The following VPS13A variants were observed in gnomAD, a reference collection of about 807,000 sequenced individuals.
The protein encoded by VPS13A is intermembrane lipid transfer protein VPS13A.
In VPS13A, 264 loss-of-function variants were observed where a neutral mutation model predicts 390.9. The ratio of observed to expected loss-of-function variants is 0.68; its 90% CI spans 0.61 to 0.75. The LOEUF is 0.75. Among genes scored for constraint, VPS13A ranks in the 30% least tolerant of loss-of-function variants. The pLI is 0.00. For synonymous variants in VPS13A, 1,231 were observed against 1,227.1 expected (o/e 1.00, Z -0.07); for missense variants, 3,409 against 3,733.9 (o/e 0.91, Z 2.27).
chr9:77,366,105 A>G (rs1563963087), intron 60 of VPS13A, among the ~76,000 whole-genome samples: 1 of 152,104 alleles, frequency 6.6e-6, no homozygotes. Flanking sequence ...CTTTCAGCTT[A>G]TGACAGAGTT....
At chr9:77,397,509 T>C (rs1587717577) in intron 68 of VPS13A, among the ~76,000 whole-genome samples, 2 of 152,186 alleles carry the variant, frequency 1.3e-5, no homozygotes, top group East Asian at 3.8e-4. Flanking sequence ...ATTTTAGTGA[T>C]TTATTCCTAT....
intron 1 of VPS13A, among the ~76,000 whole-genome samples, chr9:77,180,535 A>G (rs944857842): frequency 6.6e-6 from 1 of 152,172 alleles, no homozygotes; most frequent in African/African-American, 2.4e-5. Flanking sequence ...AAAGTCAAAG[A>G]TGTTCTCCTG....
chr9:77,254,512 C>T (rs531281190), intron 22 of VPS13A, among the ~76,000 whole-genome samples: 14 of 152,176 alleles, frequency 9.2e-5, no homozygotes, highest in African/African-American at 3.1e-4. Context: ...CTTGGCTATT[C>T]GGGATCCTTT....
intron 23 of VPS13A, among the ~76,000 whole-genome samples, chr9:77,268,313 C>T (rs906421829): frequency 2.0e-5 from 3 of 152,104 alleles, no homozygotes; most frequent in African/African-American, 4.8e-5. Context: ...CTGCCGGTTG[C>T]GAAGACTGTG....
At position 77,295,717 on chromosome 9, in the gene VPS13A, A is replaced by G. The variant is rs1382931579; in HGVS notation, c.3683A>G (p.Asn1228Ser). The G allele has an allele frequency of 6.2e-7, 1 of 1,614,002 alleles. No individual in the cohort carries two copies. Among genetic ancestry groups the G allele is most frequent in the Non-Finnish European group, 8.5e-7 (1 of 1,179,946 alleles). The part of the protein sequence containing the change: ...VVIPQSPVSE[N>S]VFVADFGLIT... ...ATCCCGCAGTCTCCAGTTTCTGAAA[A>G]TGTTTTTGTTGCTGATTTTGGACTA... is the stretch of plus-strand genomic sequence containing the variant. Residue 1228 changes from asparagine (N) to serine (S), a missense_variant, in exon 33 of 72, where the codon AAT (asparagine) becomes AGT (serine). Physicochemically the swap from Asn to Ser is conservative, Grantham distance 46. Around this residue, in one of 5 missense-constraint regions of VPS13A, gnomAD observed 2,717 missense variants for 2,917.4 expected, o/e 0.93. Coordinates refer to ENST00000360280, the MANE Select transcript of VPS13A (RefSeq NM_033305.3).
chr9:77,203,591 T>G (rs945092751), intron 3 of VPS13A, among the ~76,000 whole-genome samples: 1 of 152,144 alleles, frequency 6.6e-6, no homozygotes, highest in Non-Finnish European at 1.5e-5. Context: ...CCTGGTCAAG[T>G]TTGGATTTTT....
chr9:77,306,414 T>TTTGTGTGTGTG lies in VPS13A; in HGVS notation c.3961-1530_3961-1529insTGTGTGTGTGT, dbSNP rs1554885537. Among the ~76,000 whole-genome samples, 4 of 140,782 alleles carry TTTGTGTGTGTG rather than the reference T, an allele frequency of 2.8e-5. No individual in the cohort carries two copies. In the East Asian group the frequency reaches 8.3e-4, roughly 29 times the overall value. The allele number at this position is 140,782 out of a possible 152,430, so 92.4% of individuals were successfully genotyped here. A position where few individuals can be genotyped will look rare whatever the true frequency, so the allele number is the denominator to read the frequency against. On this transcript the variant is annotated intron_variant, in intron 34 of 71. Transcript: ENST00000360280. ...AGAGAGAGAGAGAGTGTGTGTGTGT[T>TTTGTGTGTGTG]TGTGTGTGTGTGTGTGTGTGTGTGT...
chr9:77,177,594 T>C lies in VPS13A; in HGVS notation c.-111T>C. ...GTTGGGCCAGCGGGGGCGCCGCAGC[T>C]GAAGCCGCCCCGGAGCCGGTGAACC... On this transcript the variant is annotated 5_prime_UTR_variant, in exon 1 of 72. Coordinates refer to ENST00000360280, the MANE Select transcript of VPS13A (RefSeq NM_033305.3). 9.8e-7 allele frequency: 1 copy of C among 1,023,454 alleles called. No individual in the cohort carries two copies. Among genetic ancestry groups the C allele is most frequent in the Non-Finnish European group, 1.5e-6 (1 of 678,656 alleles). 63.4% of individuals were successfully genotyped at this position (1,023,454 alleles called of 1,614,324 possible).
intron 68 of VPS13A, among the ~76,000 whole-genome samples, chr9:77,400,192 T>C (rs1007167266): frequency 5.9e-5 from 9 of 151,340 alleles, no homozygotes; most frequent in Non-Finnish European, 1.3e-4. Flanking sequence ...TTTTGAGTTA[T>C]AGTGAATATT....
At chr9:77,221,488 G>A in intron 13 of VPS13A, 132 bp downstream of exon 13, 1 of 996,306 alleles carries the variant, frequency 1.0e-6, no homozygotes, top group Non-Finnish European at 1.5e-6. Flanking sequence ...AGACTTTTTT[G>A]TGCTTCTGTT....
intron 71 of VPS13A, among the ~76,000 whole-genome samples, chr9:77,412,254 A>G (rs1259997774): frequency 6.6e-6 from 1 of 152,244 alleles, no homozygotes; most frequent in African/African-American, 2.4e-5. Context: ...TGAAGCCAGC[A>G]TCATCCTGAT....
chr9:77,211,257 C>T (rs1379777400), intron 7 of VPS13A: 2 of 152,124 alleles, frequency 1.3e-5, no homozygotes. Context: ...TTGTTTTCTA[C>T]TTCCACCCAC....
intron 71 of VPS13A, among the ~76,000 whole-genome samples, chr9:77,411,410 TC>T (rs2131667045): frequency 6.6e-6 from 1 of 152,166 alleles, no homozygotes; most frequent in East Asian, 1.9e-4. Flanking sequence ...ACGCCTGTAA[TC>T]CCAGCACTTT....
rs1832006859 is a variant in VPS13A at position 77,359,383 on chromosome 9, T to A, written c.8086T>A (p.Ser2696Thr). The A allele has an allele frequency of 1.2e-6, 2 of 1,613,034 alleles. No homozygotes were observed. The highest frequency in any genetic ancestry group is 2.7e-5 in the African/African-American group (2 of 74,884). Reference protein sequence around the residue: ...VSIVMRSAGHSQISRIKYFKV... With the variant: ...VSIVMRSAGHTQISRIKYFKV... ...TATTGTCATGAGATCTGCAGGACATTCCCAGATATCACGTATTAAGTAAGT... is the reference window on the plus strand; with the variant it reads ...TATTGTCATGAGATCTGCAGGACATACCCAGATATCACGTATTAAGTAAGT... Residue 2696 changes from serine (S) to threonine (T), a missense_variant, in exon 58 of 72, where the codon TCC becomes ACC. Ser to Thr is a moderately conservative substitution (Grantham distance 58). Transcript: ENST00000360280.
intron 5 of VPS13A, 86 bp from the exon 6 acceptor site, chr9:77,209,337 C>T (rs897572421): frequency 5.5e-6 from 5 of 912,842 alleles, no homozygotes; most frequent in Non-Finnish European, 8.8e-6. Context: ...TTCAGCAAGG[C>T]AACGTAAGCA....
intron 67 of VPS13A, among the ~76,000 whole-genome samples, chr9:77,380,374 A>G (rs1833360539): frequency 6.6e-6 from 1 of 151,906 alleles, no homozygotes. Context: ...GTGCAGTGGC[A>G]TGATCTCGGC....
intron 31 of VPS13A, among the ~76,000 whole-genome samples, chr9:77,292,302 A>G (rs986796804): frequency 3.9e-5 from 6 of 152,152 alleles, no homozygotes; most frequent in Admixed American, 3.3e-4. Flanking sequence ...TATATTGTAT[A>G]GTATCTGACA....
intron 19 of VPS13A, among the ~76,000 whole-genome samples, chr9:77,244,473 GC>G (rs1201240074): frequency 6.6e-6 from 1 of 152,124 alleles, no homozygotes; most frequent in Non-Finnish European, 1.5e-5. Flanking sequence ...TATTCATGGG[GC>G]AATGTCTCAC....
At chr9:77,406,388 T>C (rs1163591800) in intron 70 of VPS13A, among the ~76,000 whole-genome samples, 1 of 152,196 alleles carries the variant, frequency 6.6e-6, no homozygotes, top group African/African-American at 2.4e-5. Context: ...TTCCCCCTTT[T>C]CATGAGACCT....
Sources: allele counts gnomAD v4.1 joint callset (sites outside exome capture counted in the v4.1 genomes callset), GRCh38; gene constraint gnomAD v4.1.1; regional missense constraint gnomAD v4.1.1; transcripts MANE v1.5; gene names NCBI Gene and HGNC (gene_info 2026-07-23, HGNC 2026-07-21).